ITSN1: variants seen among roughly 807,000 people sequenced by gnomAD.
ITSN1 encodes intersectin 1, also known as intersectin-1.
A neutral mutation model predicts 239.8 loss-of-function variants in ITSN1; 58 were observed. The observed-to-expected ratio is 0.24, with a 90% CI of 0.20 to 0.30. The LOEUF is 0.30. ITSN1 is among the 10% of genes least tolerant of loss of function. The probability of loss-of-function intolerance (pLI) is 1.00; values close to 1 mark genes in which losing one functional copy is unlikely to be tolerated. For synonymous variants in ITSN1, 780 were observed against 770.8 expected, an observed-to-expected ratio of 1.01 and a Z score of -0.20; for missense variants, 1,558 against 2,103.3, an observed-to-expected ratio of 0.74 and a Z score of 5.07.
chr21:33,808,135 C>T (rs1338866029), intron 20 of ITSN1, among the ~76,000 whole-genome samples: 4 of 148,812 alleles, frequency 2.7e-5, no homozygotes, highest in South Asian at 2.2e-4. Context: ...TGCAGTGAGC[C>T]GAGATTGCGC....
In ITSN1 at chr21:33,765,938, C is replaced by T. The variant is rs1218675092; in HGVS notation, c.852C>T (p.His284=). The T allele has an allele frequency of 1.2e-6, 2 of 1,613,916 alleles. No homozygotes were observed. Among genetic ancestry groups the T allele is most frequent in the South Asian group, 1.1e-5 (1 of 91,078 alleles). Reference sequence around the variant, plus strand: ...CAGAGGAATTTATCCTGGCAATGCACCTCATTGATGTAGCTATGTCTGGCC... The same window carrying T: ...CAGAGGAATTTATCCTGGCAATGCATCTCATTGATGTAGCTATGTCTGGCC... The part of the protein sequence containing the change: ...LTAEEFILAM[H]LIDVAMSGQP... Residue 284 remains histidine (H), a synonymous_variant, in exon 10 of 40, where the codon CAC becomes CAT. Transcript: ENST00000381318.
intron 1 of ITSN1, among the ~76,000 whole-genome samples, chr21:33,653,523 T>C (rs1336831950): frequency 6.6e-6 from 1 of 152,120 alleles, no homozygotes; most frequent in Non-Finnish European, 1.5e-5. Flanking sequence ...TTGTATTTCT[T>C]TCTTTTTTTT....
intron 29 of ITSN1, among the ~76,000 whole-genome samples, chr21:33,848,516 A>G (rs572809008): frequency 2.0e-5 from 3 of 152,334 alleles, no homozygotes; most frequent in Admixed American, 2.0e-4. Context: ...TCCGGGGAAG[A>G]GCATGAGCTC....
chr21:33,685,454 G>GAA (rs1361446823), intron 1 of ITSN1, among the ~76,000 whole-genome samples: 3 of 151,986 alleles, frequency 2.0e-5, no homozygotes, highest in African/African-American at 7.3e-5. Flanking sequence ...GCCTTGAAAG[G>GAA]AGTTAGATGT....
chr21:33,695,150 C>T (rs78809301), intron 1 of ITSN1, among the ~76,000 whole-genome samples: 6,175 of 152,276 alleles, frequency 0.041, 415 homozygotes, highest in African/African-American at 0.14. Context: ...ACCTATGATA[C>T]GCTTTCCAAA....
chr21:33,645,669 A>C (rs954920489), intron 1 of ITSN1, among the ~76,000 whole-genome samples: 9 of 152,118 alleles, frequency 5.9e-5, no homozygotes, highest in Non-Finnish European at 1.3e-4. Context: ...TAAGTAAGTA[A>C]ATAAATACAT....
Position 33,895,297 on chromosome 21 carries a change from G to C in ITSN1, c.*6997G>C, listed in dbSNP as rs1203150801. 6.6e-6 allele frequency: 1 copy of C among 152,248 alleles called. No individual in the cohort carries two copies. Among genetic ancestry groups the C allele is most frequent in the African/African-American group, 2.4e-5 (1 of 41,456 alleles). 9.4% of individuals were successfully genotyped at this position (152,248 alleles called of 1,614,324 possible). A position where few individuals can be genotyped will look rare whatever the true frequency, so the allele number is the denominator to read the frequency against. ...CCCCAGCAAGCGTTCTAGGAGTTAC[G>C]GTGTGCTCTATTGGGATTGGATTAC... On this transcript the variant is annotated 3_prime_UTR_variant, in exon 40 of 40. Coordinates refer to ENST00000381318, the MANE Select transcript of ITSN1 (RefSeq NM_003024.3).
At chr21:33,738,218 G>A (rs994174477) in intron 5 of ITSN1, among the ~76,000 whole-genome samples, 3 of 151,892 alleles carry the variant, frequency 2.0e-5, no homozygotes, top group African/African-American at 7.3e-5. Flanking sequence ...ATCTGACTCT[G>A]CATTTCCTTG....
At chr21:33,657,780 G>A (rs924057269) in intron 1 of ITSN1, among the ~76,000 whole-genome samples, 3 of 152,122 alleles carry the variant, frequency 2.0e-5, no homozygotes, top group African/African-American at 7.2e-5. Context: ...GAGACCAGGA[G>A]TTTGAGACCA....
intron 1 of ITSN1, among the ~76,000 whole-genome samples, chr21:33,697,043 A>G (rs886379843): frequency 6.7e-6 from 1 of 149,670 alleles, no homozygotes; most frequent in Non-Finnish European, 1.5e-5. Flanking sequence ...TTGAAACTTG[A>G]GTTTTTATTT....
At chr21:33,690,564 C>A (rs1245793900) in intron 1 of ITSN1, among the ~76,000 whole-genome samples, 2 of 149,418 alleles carry the variant, frequency 1.3e-5, no homozygotes, top group Non-Finnish European at 3.0e-5. Context: ...CGCACCACTG[C>A]ACTCCAGCCT....
At chr21:33,811,770 T>A (rs2072933157) in intron 21 of ITSN1, among the ~76,000 whole-genome samples, 1 of 152,216 alleles carries the variant, frequency 6.6e-6, no homozygotes, top group African/African-American at 2.4e-5. Flanking sequence ...AAATGGCATT[T>A]TAAAAACTGT....
intron 20 of ITSN1, among the ~76,000 whole-genome samples, chr21:33,808,362 A>G (rs2072633938): frequency 6.6e-6 from 1 of 152,096 alleles, no homozygotes; most frequent in Admixed American, 6.5e-5. Flanking sequence ...AGGCGGGCAG[A>G]TCACCTGAGG....
chr21:33,690,822 T>C lies in ITSN1; in HGVS notation c.-32-27975T>C, dbSNP rs1342624404. ...ATATATATATATATATATGTATATA[T>C]ATATATATATATATATGTAAAAGTT... is the stretch of plus-strand genomic sequence containing the variant. On this transcript the variant is annotated intron_variant, in intron 1 of 39. Coordinates refer to ENST00000381318, the MANE Select transcript of ITSN1 (RefSeq NM_003024.3). Among the ~76,000 whole-genome samples, 4 of 42,712 alleles carry C rather than the reference T, an allele frequency of 9.4e-5. 1 individual carries two copies. Among genetic ancestry groups the C allele is most frequent in the Admixed American group, 2.6e-4 (1 of 3,876 alleles). The allele number at this position is 42,712 out of a possible 152,430, so 28.0% of individuals were successfully genotyped here. A position where few individuals can be genotyped will look rare whatever the true frequency, so the allele number is the denominator to read the frequency against.
intron 4 of ITSN1, among the ~76,000 whole-genome samples, chr21:33,733,849 T>TA (rs1434286919): frequency 6.6e-6 from 1 of 152,230 alleles, no homozygotes; most frequent in African/African-American, 2.4e-5. Context: ...TTTCCTGCGT[T>TA]ATGATCCTTA....
chr21:33,771,534 A>G (rs2069161004), intron 11 of ITSN1, among the ~76,000 whole-genome samples: 3 of 152,258 alleles, frequency 2.0e-5, no homozygotes, highest in Admixed American at 1.3e-4. Context: ...GATGTGTTAA[A>G]GAAGGAAACT....
At chr21:33,803,040 G>A (rs780335935) in intron 20 of ITSN1, among the ~76,000 whole-genome samples, 23 of 152,218 alleles carry the variant, frequency 1.5e-4, no homozygotes, top group Non-Finnish European at 3.2e-4. Context: ...CACAGATGAA[G>A]TAAAAAGTCA....
intron 1 of ITSN1, among the ~76,000 whole-genome samples, chr21:33,647,841 T>G (rs2088120690): frequency 6.6e-6 from 1 of 152,194 alleles, no homozygotes; most frequent in Non-Finnish European, 1.5e-5. Context: ...TAGACATTAG[T>G]TTGTTTATTT....
intron 1 of ITSN1, among the ~76,000 whole-genome samples, chr21:33,649,342 G>A (rs2088288608): frequency 2.0e-5 from 3 of 152,150 alleles, no homozygotes; most frequent in African/African-American, 7.2e-5. Flanking sequence ...TTAATACATG[G>A]GATGGTAGAA....
Sources: allele counts gnomAD v4.1 joint callset (sites outside exome capture counted in the v4.1 genomes callset), GRCh38; gene constraint gnomAD v4.1.1; transcripts MANE v1.5; gene names NCBI Gene and HGNC (gene_info 2026-07-23, HGNC 2026-07-21).